EPAS1: variants seen among roughly 807,000 people sequenced by gnomAD.
The protein encoded by EPAS1 is endothelial PAS domain protein 1, also known as endothelial PAS domain-containing protein 1.
A neutral mutation model predicts 87.9 loss-of-function variants in EPAS1; 23 were observed. The ratio of observed to expected loss-of-function variants is 0.26; its 90% CI spans 0.19 to 0.37. The LOEUF (loss-of-function observed/expected upper bound fraction) is 0.37, where lower values mean the gene tolerates loss of function less well. EPAS1 is among the 10% of genes least tolerant of loss of function. The pLI is 1.00. For synonymous variants in EPAS1, 508 were observed against 444.3 expected, an observed-to-expected ratio of 1.14 and a Z score of -1.80; for missense variants, 1,138 against 1,120.7, an observed-to-expected ratio of 1.02 and a Z score of -0.22.
intron 1 of EPAS1, among the ~76,000 whole-genome samples, chr2:46,330,838 C>T (rs1265708031): frequency 2.6e-5 from 4 of 152,112 alleles, no homozygotes; most frequent in Admixed American, 6.5e-5. Context: ...CTGATTTTGC[C>T]CCATCTTTTT....
intron 6 of EPAS1, 76 bp from the exon 7 acceptor site, chr2:46,369,751 G>T (rs1042312444): frequency 1.9e-6 from 2 of 1,027,916 alleles, no homozygotes; most frequent in Non-Finnish European, 1.5e-6. Context: ...TGCCTTCTGG[G>T]GTTAGCTCCT....
intron 6 of EPAS1, among the ~76,000 whole-genome samples, chr2:46,367,977 T>A: frequency 6.6e-6 from 1 of 152,134 alleles, no homozygotes; most frequent in East Asian, 1.9e-4. Context: ...AAAAAGTAGA[T>A]CCTTAGTGCC....
chr2:46,366,452 A>G (rs1018216108), intron 6 of EPAS1, among the ~76,000 whole-genome samples: 4 of 152,136 alleles, frequency 2.6e-5, no homozygotes, highest in African/African-American at 7.2e-5. Context: ...TTAAAGCTGT[A>G]TTTTCTATTT....
chr2:46,323,446 C>T lies in EPAS1; in HGVS notation c.27-23427C>T, dbSNP rs376748963. Among the ~76,000 whole-genome samples, 11 of 152,180 alleles carry T rather than the reference C, an allele frequency of 7.2e-5. No individual in the cohort carries two copies. In the East Asian group the frequency reaches 1.3e-3, roughly 19 times the overall value. ...CTGAATTATGTTTTTATATATCTTG[C>T]GCACCCAACAGTTCTTAGCAAGGCC... On this transcript the variant is annotated intron_variant, in intron 1 of 15. Transcript: ENST00000263734.
At chr2:46,369,465 G>A (rs772631305) in intron 6 of EPAS1, among the ~76,000 whole-genome samples, 34 of 152,166 alleles carry the variant, frequency 2.2e-4, no homozygotes, top group Admixed American at 1.6e-3. Flanking sequence ...TTGTCTGCCC[G>A]TCCTGGATGT....
rs896434830 is a variant in EPAS1, at chr2:46,386,639, T to G, written c.*1979T>G. On this transcript the variant is annotated 3_prime_UTR_variant, in exon 16 of 16. Transcript: ENST00000263734. ...GACAACATTATAACTGTATGGGAGC[T>G]TAACTTTATAAGGAAATGTATTTTG... 6.5e-6 allele frequency: 1 copy of G among 152,708 alleles called. No individual in the cohort carries two copies. Among genetic ancestry groups the G allele is most frequent in the Non-Finnish European group, 1.5e-5 (1 of 68,050 alleles). The allele number at this position is 152,708 out of a possible 1,614,324, so 9.5% of individuals were successfully genotyped here.
intron 2 of EPAS1, among the ~76,000 whole-genome samples, chr2:46,351,560 C>T (rs549496986): frequency 1.6e-4 from 25 of 152,174 alleles, no homozygotes; most frequent in South Asian, 1.2e-3. Context: ...TCTGCACATC[C>T]GGGAGGGCGG....
chr2:46,330,822 C>T (rs959703723), intron 1 of EPAS1, among the ~76,000 whole-genome samples: 1 of 152,210 alleles, frequency 6.6e-6, no homozygotes, highest in Non-Finnish European at 1.5e-5. Flanking sequence ...CATAGCCTCA[C>T]GGGGCCTGAT....
intron 9 of EPAS1, 137 bp downstream of exon 9, chr2:46,376,890 GT>G: frequency 1.1e-6 from 1 of 878,480 alleles, no homozygotes; most frequent in Non-Finnish European, 1.8e-6. Context: ...TTAATCACCT[GT>G]TAGAGGCCAG....
At chr2:46,318,920 G>C (rs1438197406) in intron 1 of EPAS1, among the ~76,000 whole-genome samples, 1 of 152,158 alleles carries the variant, frequency 6.6e-6, no homozygotes, top group African/African-American at 2.4e-5. Flanking sequence ...ATACATAGTT[G>C]TATTAAGTTC....
chr2:46,350,729 C>A (rs889571227), intron 2 of EPAS1, among the ~76,000 whole-genome samples: 2 of 152,220 alleles, frequency 1.3e-5, no homozygotes, highest in African/African-American at 4.8e-5. Context: ...CATTGTAAAA[C>A]TGAATTTTGG....
intron 6 of EPAS1, among the ~76,000 whole-genome samples, chr2:46,367,831 G>A (rs1303441753): frequency 2.0e-5 from 3 of 152,194 alleles, no homozygotes; most frequent in African/African-American, 7.2e-5. Flanking sequence ...CCTCTTCTCT[G>A]CCCACTTCAA....
chr2:46,350,039 C>T (rs972997355), intron 2 of EPAS1, among the ~76,000 whole-genome samples: 4 of 152,164 alleles, frequency 2.6e-5, no homozygotes, highest in African/African-American at 9.7e-5. Context: ...GCCTTATCCT[C>T]TAGCCTGCCA....
chr2:46,302,397 T>C (rs1057428483), intron 1 of EPAS1, among the ~76,000 whole-genome samples: 1 of 152,166 alleles, frequency 6.6e-6, no homozygotes, highest in Non-Finnish European at 1.5e-5. Flanking sequence ...GCCAACCTGC[T>C]AGTTTCCCTT....
intron 1 of EPAS1, among the ~76,000 whole-genome samples, chr2:46,302,112 T>TTC (rs145081558): frequency 0.051 from 6,437 of 124,998 alleles, 549 homozygotes; most frequent in African/African-American, 0.19. Context: ...ATGTCCCTCT[T>TTC]TCTCTCTGTG....
rs1361932899 is a variant in EPAS1 at position 46,386,623 on chromosome 2, A to ATAAC, written c.*1965_*1968dup. On this transcript the variant is annotated 3_prime_UTR_variant, in exon 16 of 16. Transcript: ENST00000263734. Reference sequence around the variant, plus strand: ...TTGTCGAATTCCTACTGACAACATTATAACTGTATGGGAGCTTAACTTTAT... The same window carrying ATAAC: ...TTGTCGAATTCCTACTGACAACATTATAACTAACTGTATGGGAGCTTAACTTTAT... 3 of 152,700 alleles carry ATAAC rather than the reference A, an allele frequency of 2.0e-5. No homozygotes were observed. Among genetic ancestry groups the ATAAC allele is most frequent in the Non-Finnish European group, 4.4e-5 (3 of 68,044 alleles). 9.5% of individuals were successfully genotyped at this position (152,700 alleles called of 1,614,324 possible). A position where few individuals can be genotyped will look rare whatever the true frequency, so the allele number is the denominator to read the frequency against.
chr2:46,362,974 GGTA>G (rs1242700017), intron 6 of EPAS1, among the ~76,000 whole-genome samples: 2,361 of 67,958 alleles, frequency 0.035, 105 homozygotes, highest in East Asian at 0.17. Context: ...TGGTGGTGGT[GGTA>G]GTGGTGGTGG....
rs191706577 is a variant in EPAS1 at position 46,369,870 on chromosome 2, C to T, written c.823C>T (p.Arg275Cys). 7.5e-5 allele frequency: 121 copies of T among 1,613,282 alleles called. No individual in the cohort carries two copies. Among genetic ancestry groups the T allele is most frequent in the East Asian group, 2.2e-5 (1 of 44,882 alleles). Residue 275 changes from arginine (R) to cysteine (C), a missense_variant, in exon 7 of 16, where the codon CGC becomes TGC. Transcript: ENST00000263734. The stretch of plus-strand genomic sequence containing the variant: ...TTACCACCCTGAGGAGCTGCTTGGC[C>T]GCTCAGCCTATGAATTCTACCATGC... ...IGYHPEELLG[R>C]SAYEFYHALD...
At chr2:46,378,977 A>G (rs1267519507) in intron 11 of EPAS1, among the ~76,000 whole-genome samples, 1 of 152,244 alleles carries the variant, frequency 6.6e-6, no homozygotes, top group Non-Finnish European at 1.5e-5. Flanking sequence ...CTCTTCCAGC[A>G]TATGTGTCTC....
Sources: allele counts gnomAD v4.1 joint callset (sites outside exome capture counted in the v4.1 genomes callset), GRCh38; gene constraint gnomAD v4.1.1; transcripts MANE v1.5; gene names NCBI Gene and HGNC (gene_info 2026-07-23, HGNC 2026-07-21).